MYOZ2: variants seen among roughly 807,000 people sequenced by gnomAD.
MYOZ2 encodes myozenin 2, also known as myozenin-2.
In MYOZ2, 19 loss-of-function variants were observed where a neutral mutation model predicts 25.4. The observed-to-expected ratio is 0.75, with a 90% CI of 0.52 to 1.10. The LOEUF is 1.10. Ranked by LOEUF, MYOZ2 falls within the 50% of genes least tolerant of loss-of-function variation. The pLI is 0.00. For synonymous variants in MYOZ2, 92 were observed against 106.9 expected, an observed-to-expected ratio of 0.86 and a Z score of 0.86; for missense variants, 270 against 317.9, an observed-to-expected ratio of 0.85 and a Z score of 1.15.
chr4:119,162,298 C>T (rs1004241207), intron 4 of MYOZ2, among the ~76,000 whole-genome samples: 2 of 152,082 alleles, frequency 1.3e-5, no homozygotes, highest in Non-Finnish European at 1.5e-5. Flanking sequence ...TGAGGCTGGA[C>T]GGGCTTAAGG....
chr4:119,184,159 C>G (rs879411300), intron 5 of MYOZ2, among the ~76,000 whole-genome samples: 2 of 152,118 alleles, frequency 1.3e-5, no homozygotes, highest in African/African-American at 2.4e-5. Flanking sequence ...CAGAATGACC[C>G]TTATAAAATG....
chr4:119,183,814 CTTT>C (rs34741874), intron 5 of MYOZ2, among the ~76,000 whole-genome samples: 2 of 138,704 alleles, frequency 1.4e-5, no homozygotes, highest in Non-Finnish European at 3.1e-5. Flanking sequence ...CCACTGTTGT[CTTT>C]TTTTTTTTTT....
intron 4 of MYOZ2, 31 bp downstream of exon 4, chr4:119,158,182 A>T (rs780352427): frequency 1.2e-6 from 2 of 1,611,922 alleles, no homozygotes; most frequent in African/African-American, 2.7e-5. Flanking sequence ...CAGAGCAATA[A>T]AATTTCTGTG....
At chr4:119,148,725 A>ATTTTT (rs202187477) in intron 2 of MYOZ2, among the ~76,000 whole-genome samples, 5 of 67,132 alleles carry the variant, frequency 7.4e-5, no homozygotes, top group East Asian at 4.0e-4. Context: ...CTCGACTGAG[A>ATTTTT]TTTTTTTTTT....
At chr4:119,147,019 A>G (rs1032135162) in intron 2 of MYOZ2, among the ~76,000 whole-genome samples, 2 of 152,106 alleles carry the variant, frequency 1.3e-5, no homozygotes, top group African/African-American at 2.4e-5. Flanking sequence ...TGATATTAAT[A>G]TCAGGTAATA....
intron 3 of MYOZ2, among the ~76,000 whole-genome samples, chr4:119,152,843 A>G (rs887654952): frequency 1.3e-5 from 2 of 152,156 alleles, no homozygotes; most frequent in Non-Finnish European, 2.9e-5. Flanking sequence ...TCTTCTTTCA[A>G]AATAAGGAAA....
At chr4:119,136,240 G>C (rs1445234073) in intron 1 of MYOZ2, among the ~76,000 whole-genome samples, 1 of 152,162 alleles carries the variant, frequency 6.6e-6, no homozygotes, top group Admixed American at 6.5e-5. Flanking sequence ...AAAAGAGAGG[G>C]AGGGGAAAGG....
At chr4:119,156,647 C>T (rs974142185) in intron 3 of MYOZ2, among the ~76,000 whole-genome samples, 48 of 152,120 alleles carry the variant, frequency 3.2e-4, no homozygotes, top group African/African-American at 1.2e-3. Flanking sequence ...AAAAGCTATT[C>T]GTTGAAAATA....
At chr4:119,159,960 A>T (rs1339609450) in intron 4 of MYOZ2, among the ~76,000 whole-genome samples, 3 of 152,192 alleles carry the variant, frequency 2.0e-5, no homozygotes, top group African/African-American at 7.2e-5. Flanking sequence ...GCAGAAAAGC[A>T]GGTAATAGGG....
intron 5 of MYOZ2, among the ~76,000 whole-genome samples, chr4:119,177,121 C>T (rs770323815): frequency 2.6e-5 from 4 of 152,136 alleles, no homozygotes; most frequent in South Asian, 2.1e-4. Context: ...ACCAAAATGA[C>T]GCCATTTTTT....
chr4:119,166,476 T>A (rs1675792348), intron 5 of MYOZ2, among the ~76,000 whole-genome samples: 1 of 149,310 alleles, frequency 6.7e-6, no homozygotes, highest in Admixed American at 6.7e-5. Context: ...ACCACTGTAC[T>A]CCCACCTGGG....
At chr4:119,159,212 T>G (rs1416852816) in intron 4 of MYOZ2, among the ~76,000 whole-genome samples, 1 of 152,042 alleles carries the variant, frequency 6.6e-6, no homozygotes, top group Non-Finnish European at 1.5e-5. Flanking sequence ...TGAGGATCAC[T>G]TTAGGCCAGG....
At chr4:119,145,550 T>G (rs7657626) in intron 2 of MYOZ2, among the ~76,000 whole-genome samples, 5,235 of 102,652 alleles carry the variant, frequency 0.051, 122 homozygotes, top group Admixed American at 0.097. Flanking sequence ...GTGTGTGTGT[T>G]TTTGGTAGAG....
At chr4:119,140,451 T>C (rs1741139054) in intron 2 of MYOZ2, among the ~76,000 whole-genome samples, 1 of 152,226 alleles carries the variant, frequency 6.6e-6, no homozygotes, top group South Asian at 2.1e-4. Flanking sequence ...CTGTGGTTTG[T>C]TTTAATTTTC....
At chr4:119,139,538 A>G (rs1390541504) in intron 2 of MYOZ2, among the ~76,000 whole-genome samples, 1 of 152,176 alleles carries the variant, frequency 6.6e-6, no homozygotes, top group Non-Finnish European at 1.5e-5. Flanking sequence ...CTCATGTGAA[A>G]CTTGAAGACT....
At chr4:119,163,720 C>T (rs1235863705) in intron 4 of MYOZ2, among the ~76,000 whole-genome samples, 2 of 152,166 alleles carry the variant, frequency 1.3e-5, no homozygotes, top group Non-Finnish European at 2.9e-5. Context: ...TTTTACAGAG[C>T]ACTCAGCAAT....
chr4:119,153,095 C>T (rs1424496169), intron 3 of MYOZ2, among the ~76,000 whole-genome samples: 3 of 151,474 alleles, frequency 2.0e-5, no homozygotes, highest in Non-Finnish European at 4.4e-5. Flanking sequence ...GAATTTTCCC[C>T]CTCATTTTAA....
rs59694363 is a variant in MYOZ2 at position 119,158,198 on chromosome 4, A to G, written c.376+47A>G. On this transcript the variant is annotated intron_variant, in intron 4 of 5. Coordinates refer to ENST00000307128, the MANE Select transcript of MYOZ2 (RefSeq NM_016599.5). Reference sequence around the variant, plus strand: ...AGAGCAATAAAATTTCTGTGTACCTAATGATATGACTCAAGGCATTTAAAG... The same window carrying G: ...AGAGCAATAAAATTTCTGTGTACCTGATGATATGACTCAAGGCATTTAAAG... 1.9e-4 allele frequency: 300 copies of G among 1,598,804 alleles called. No individual in the cohort carries two copies. In the African/African-American group the frequency reaches 3.7e-3, roughly 20 times the overall value.
chr4:119,182,776 T>C (rs1013286939), intron 5 of MYOZ2, among the ~76,000 whole-genome samples: 1 of 152,142 alleles, frequency 6.6e-6, no homozygotes. Flanking sequence ...TGTGACCTGG[T>C]TCCTAACAGG....
Sources: allele counts gnomAD v4.1 joint callset (sites outside exome capture counted in the v4.1 genomes callset), GRCh38; gene constraint gnomAD v4.1.1; transcripts MANE v1.5; gene names NCBI Gene and HGNC (gene_info 2026-07-23, HGNC 2026-07-21).